The following AP2B1 variants were observed in gnomAD, a reference collection of about 807,000 sequenced individuals.
The protein encoded by AP2B1 is AP-2 complex subunit beta.
AP2B1 carries 23 observed loss-of-function variants against 102.0 expected under a neutral mutation model. That is an observed-to-expected ratio of 0.23 (90% CI 0.16 to 0.32). AP2B1 has a LOEUF of 0.32. AP2B1 is among the 10% of genes least tolerant of loss of function. The pLI, the probability that AP2B1 is intolerant of heterozygous loss-of-function variation, is 1.00. For missense variants in AP2B1, 541 were observed against 1,157.4 expected, an observed-to-expected ratio of 0.47 and a Z score of 7.73; for synonymous variants, 381 against 421.2, an observed-to-expected ratio of 0.90 and a Z score of 1.17.
Position 35,660,139 on chromosome 17 carries a change from GTTTGT to G in AP2B1, c.1989+2361_1989+2365del, listed in dbSNP as rs201238441. 1.8e-3 allele frequency: 1,674 copies of G among 931,256 alleles called. 26 individuals are homozygous for G. In the African/African-American group the frequency reaches 0.028, roughly 15 times the overall value. The allele number at this position is 931,256 out of a possible 1,614,324, so 57.7% of individuals were successfully genotyped here. On this transcript the variant is annotated intron_variant, in intron 14 of 21. Coordinates refer to ENST00000610402, the MANE Select transcript of AP2B1 (RefSeq NM_001030006.2). ...TCCTAAAGATTTTGTACAAGAGAGG[GTTTGT>G]TTTGTTTTGTTTAGTTTGTGGAAAT... is the stretch of plus-strand genomic sequence containing the variant.
chr17:35,683,791 C>T (rs141118046), intron 18 of AP2B1, among the ~76,000 whole-genome samples: 202 of 152,160 alleles, frequency 1.3e-3, no homozygotes, highest in Non-Finnish European at 2.3e-3. Context: ...AGCCTTGGGC[C>T]ACCCAGAAAT....
At chr17:35,639,514 T>G (rs2074706733) in intron 10 of AP2B1, 81 bp from the exon 11 acceptor site, 1 of 1,323,226 alleles carries the variant, frequency 7.6e-7, no homozygotes, top group African/African-American at 1.5e-5. Flanking sequence ...GTCCCTTGTT[T>G]GTGGTTTTGC....
intron 2 of AP2B1, chr17:35,597,060 G>A (rs1025959533): frequency 1.7e-5 from 10 of 571,900 alleles, no homozygotes; most frequent in Non-Finnish European, 2.9e-5. Context: ...CGTGGCCGGG[G>A]GCGAAGGACC....
At chr17:35,680,840 G>T (rs1598271864) in intron 17 of AP2B1, among the ~76,000 whole-genome samples, 1 of 151,890 alleles carries the variant, frequency 6.6e-6, no homozygotes, top group Non-Finnish European at 1.5e-5. Flanking sequence ...AGGATTACAG[G>T]TGCCTGTTAC....
chr17:35,657,480 T>A, intron 13 of AP2B1, 119 bp from the exon 14 acceptor site: 1 of 670,176 alleles, frequency 1.5e-6, no homozygotes, highest in East Asian at 3.1e-5. Context: ...AATCAGAGAG[T>A]TTTTCCCCCT....
intron 5 of AP2B1, among the ~76,000 whole-genome samples, chr17:35,611,493 G>A (rs141785624): frequency 1.5e-4 from 23 of 152,184 alleles, no homozygotes; most frequent in South Asian, 6.2e-4. Flanking sequence ...GCGCGCGCAC[G>A]TGCGCACACA....
At chr17:35,707,404 G>A (rs951150001) in intron 18 of AP2B1, among the ~76,000 whole-genome samples, 2 of 150,500 alleles carry the variant, frequency 1.3e-5, no homozygotes, top group Non-Finnish European at 3.0e-5. Context: ...GCCTGCCTTG[G>A]CCTCCCAAAG....
chr17:35,606,237 GATTA>G (rs1178517294), intron 4 of AP2B1, among the ~76,000 whole-genome samples: 1 of 150,848 alleles, frequency 6.6e-6, no homozygotes, highest in Non-Finnish European at 1.5e-5. Context: ...TACATCATTT[GATTA>G]ATTTTTTTTT....
chr17:35,621,294 T>G (rs2074169478), intron 5 of AP2B1: 1 of 985,234 alleles, frequency 1.0e-6, no homozygotes. Context: ...GCGACTGATT[T>G]ATTTTAAGTT....
intron 5 of AP2B1, among the ~76,000 whole-genome samples, chr17:35,618,301 A>T (rs996520514): frequency 6.6e-6 from 1 of 152,246 alleles, no homozygotes; most frequent in Non-Finnish European, 1.5e-5. Flanking sequence ...GCAATATTCT[A>T]ACACTGCTAA....
intron 6 of AP2B1, 38 bp downstream of exon 6, chr17:35,624,625 C>T: frequency 1.3e-6 from 2 of 1,583,438 alleles, no homozygotes; most frequent in South Asian, 1.1e-5. Context: ...GGTAGTCTTG[C>T]CTGATGCAGT....
At chr17:35,703,781 C>G (rs1190908148) in intron 18 of AP2B1, among the ~76,000 whole-genome samples, 1 of 151,948 alleles carries the variant, frequency 6.6e-6, no homozygotes, top group African/African-American at 2.4e-5. Flanking sequence ...AATCTGATGA[C>G]ACAAGTTTAC....
intron 7 of AP2B1, 84 bp from the exon 8 acceptor site, chr17:35,627,301 C>A: frequency 1.3e-6 from 1 of 761,796 alleles, no homozygotes; most frequent in Non-Finnish European, 1.8e-6. Context: ...AGCAGAGAGG[C>A]ACAGATTAGG....
chr17:35,718,785 T>G (rs2085265113), intron 21 of AP2B1, among the ~76,000 whole-genome samples: 1 of 151,964 alleles, frequency 6.6e-6, no homozygotes, highest in African/African-American at 2.4e-5. Context: ...TTTTTCCTTT[T>G]TTTCTTTTTG....
chr17:35,720,820 C>G (rs1219247492), intron 21 of AP2B1, among the ~76,000 whole-genome samples: 9 of 151,456 alleles, frequency 5.9e-5, no homozygotes, highest in African/African-American at 1.9e-4. Context: ...GGTTCTCTGC[C>G]CACAATACCA....
At position 35,627,525 on chromosome 17, in the gene AP2B1, C is replaced by G; in HGVS notation, c.1059+20C>G. The G allele has an allele frequency of 6.2e-7, 1 of 1,613,890 alleles. No individual in the cohort carries two copies. On this transcript the variant is annotated intron_variant, in intron 8 of 21. Transcript: ENST00000610402. ...GCTCAGGTCAGACTTTATGCAGACTCAAGTTGATGATGATTTAGCTCTTAA... is the reference window on the plus strand; with the variant it reads ...GCTCAGGTCAGACTTTATGCAGACTGAAGTTGATGATGATTTAGCTCTTAA...
chr17:35,691,969 C>G (rs1284516561), intron 18 of AP2B1, among the ~76,000 whole-genome samples: 1 of 152,114 alleles, frequency 6.6e-6, no homozygotes, highest in Non-Finnish European at 1.5e-5. Flanking sequence ...TGAGAACACT[C>G]CTTTATCTTT....
chr17:35,698,500 G>A lies in AP2B1; in HGVS notation c.2455-10724G>A, dbSNP rs587679333. Among the ~76,000 whole-genome samples the A allele has an allele frequency of 4.6e-5, 7 of 152,198 alleles. No homozygotes were observed. In the East Asian group the frequency reaches 1.4e-3, roughly 29 times the overall value. ...AATTTTTTATTTTTATTTTTGTAAAGATGAAATCTCACCATGTTGCCCAGG... is the reference window on the plus strand; with the variant it reads ...AATTTTTTATTTTTATTTTTGTAAAAATGAAATCTCACCATGTTGCCCAGG... On this transcript the variant is annotated intron_variant, in intron 18 of 21. Coordinates refer to ENST00000610402, the MANE Select transcript of AP2B1 (RefSeq NM_001030006.2).
chr17:35,706,913 AAGTGCTGGGCTTAC>A (rs1235681066), intron 18 of AP2B1, among the ~76,000 whole-genome samples: 2 of 151,828 alleles, frequency 1.3e-5, no homozygotes, highest in African/African-American at 4.8e-5. Flanking sequence ...CAGCTTCCCA[AAGTGCTGGGCTTAC>A]AGGCATGAGC....
Sources: allele counts gnomAD v4.1 joint callset (sites outside exome capture counted in the v4.1 genomes callset), GRCh38; gene constraint gnomAD v4.1.1; transcripts MANE v1.5; gene names NCBI Gene and HGNC (gene_info 2026-07-23, HGNC 2026-07-21).